Variants in SLC25A26 observed in about 807,000 individuals in gnomAD.
The protein encoded by SLC25A26 is solute carrier family 25 member 26.
In SLC25A26, 36 loss-of-function variants were observed where a neutral mutation model predicts 37.8. The ratio of observed to expected loss-of-function variants is 0.95; its 90% CI spans 0.73 to 1.26. The LOEUF (loss-of-function observed/expected upper bound fraction) is 1.26. Among genes scored for constraint, SLC25A26 ranks in the 50% most tolerant of loss-of-function variants. The probability of loss-of-function intolerance (pLI) is 0.00; values close to 1 mark genes in which losing one functional copy is unlikely to be tolerated. For synonymous variants in SLC25A26, 129 were observed against 122.5 expected, an observed-to-expected ratio of 1.05 and a Z score of -0.35; for missense variants, 390 against 331.1, an observed-to-expected ratio of 1.18 and a Z score of -1.38.
chr3:66,138,020 G>T (rs146748007), intron 1 of SLC25A26, among the ~76,000 whole-genome samples: 2,042 of 151,918 alleles, frequency 0.013, 49 homozygotes, highest in African/African-American at 0.047. Flanking sequence ...TTTTAGTAGA[G>T]ACGGGGTTTC....
intron 1 of SLC25A26, among the ~76,000 whole-genome samples, chr3:66,150,599 A>G (rs2070188433): frequency 1.6e-5 from 1 of 61,240 alleles, no homozygotes; most frequent in South Asian, 6.3e-4. Context: ...TATATATGTA[A>G]TGAGATATAT....
intron 5 of SLC25A26, among the ~76,000 whole-genome samples, chr3:66,277,980 A>G (rs910981098): frequency 1.2e-4 from 18 of 152,126 alleles, no homozygotes; most frequent in African/African-American, 4.3e-4. Flanking sequence ...GACTAAGGAG[A>G]CACAACAAGT....
chr3:66,140,549 T>C (rs2070018285), intron 1 of SLC25A26, among the ~76,000 whole-genome samples: 1 of 152,188 alleles, frequency 6.6e-6, no homozygotes, highest in African/African-American at 2.4e-5. Context: ...TCAACTAACA[T>C]ACAGGATGCA....
At chr3:66,251,203 G>C (rs1193972007) in intron 3 of SLC25A26, among the ~76,000 whole-genome samples, 1 of 152,044 alleles carries the variant, frequency 6.6e-6, no homozygotes, top group African/African-American at 2.4e-5. Flanking sequence ...GTAAGGAGTT[G>C]GGACTTTTTT....
At chr3:66,288,395 A>G (rs1270305561) in intron 5 of SLC25A26, among the ~76,000 whole-genome samples, 1 of 152,168 alleles carries the variant, frequency 6.6e-6, no homozygotes, top group African/African-American at 2.4e-5. Flanking sequence ...ACATAGGTAT[A>G]CATGTGCCAT....
intron 5 of SLC25A26, among the ~76,000 whole-genome samples, chr3:66,326,150 G>C (rs1318416871): frequency 2.0e-5 from 3 of 152,196 alleles, no homozygotes; most frequent in Non-Finnish European, 4.4e-5. Flanking sequence ...AGGAACCCAG[G>C]AGAAGGATAG....
chr3:66,335,980 G>A (rs974001782), intron 5 of SLC25A26, among the ~76,000 whole-genome samples: 2 of 152,110 alleles, frequency 1.3e-5, no homozygotes, highest in Admixed American at 6.6e-5. Flanking sequence ...TGTTCACAGG[G>A]CCTTAACCAC....
intron 9 of SLC25A26, among the ~76,000 whole-genome samples, chr3:66,374,128 T>C (rs1402604130): frequency 6.6e-6 from 1 of 152,236 alleles, no homozygotes; most frequent in African/African-American, 2.4e-5. Context: ...TTGCCTTCAT[T>C]AACTCTTTCT....
chr3:66,298,018 C>T (rs565818849), intron 5 of SLC25A26, among the ~76,000 whole-genome samples: 1 of 152,168 alleles, frequency 6.6e-6, no homozygotes, highest in African/African-American at 2.4e-5. Flanking sequence ...AAAGTACAGT[C>T]CCTCCACGAA....
Position 66,213,785 on chromosome 3 carries a change from A to G in SLC25A26, c.-353-6957A>G, listed in dbSNP as rs1001139555. Among the ~76,000 whole-genome samples, 78 of 152,008 alleles carry G rather than the reference A, an allele frequency of 5.1e-4. 2 individuals carry two copies. In the East Asian group the frequency reaches 0.015, roughly 29 times the overall value. On this transcript the variant is annotated intron_variant, in intron 1 of 10. Coordinates refer to the SLC25A26 transcript ENST00000676754. The stretch of plus-strand genomic sequence containing the variant: ...AAAATTCTCTGTGCTTCACCTGTTC[A>G]TTGCTCCTACCCACAATATCTGTAG...
At chr3:66,319,334 T>G (rs1358014744) in intron 5 of SLC25A26, among the ~76,000 whole-genome samples, 2 of 152,114 alleles carry the variant, frequency 1.3e-5, no homozygotes, top group Non-Finnish European at 2.9e-5. Context: ...CGTTGGGAAA[T>G]TCATATTATG....
At chr3:66,218,727 C>G (rs1428199657), upstream of SLC25A26, among the ~76,000 whole-genome samples, 2 of 152,196 alleles carry the variant, frequency 1.3e-5, no homozygotes, top group Non-Finnish European at 2.9e-5. Context: ...ACTCTAGGAA[C>G]AACCAGCTAC....
intron 3 of SLC25A26, among the ~76,000 whole-genome samples, chr3:66,249,386 C>T (rs2072990308): frequency 6.6e-6 from 1 of 152,208 alleles, no homozygotes; most frequent in Admixed American, 6.5e-5. Flanking sequence ...TCTTATTCAG[C>T]TTTCCCACTG....
intron 1 of SLC25A26, among the ~76,000 whole-genome samples, chr3:66,223,343 G>A (rs2071587878): frequency 6.6e-6 from 1 of 152,182 alleles, no homozygotes; most frequent in Non-Finnish European, 1.5e-5. Context: ...TTCAAGTGGT[G>A]AGGCCTAATG....
chr3:66,270,251 G>C (rs932555688), intron 5 of SLC25A26, among the ~76,000 whole-genome samples: 1 of 152,152 alleles, frequency 6.6e-6, no homozygotes, highest in Non-Finnish European at 1.5e-5. Context: ...AAAGCAGTAA[G>C]TGCTATAATT....
Position 66,297,466 on chromosome 3 carries a change from T to C in SLC25A26, c.453+34087T>C, listed in dbSNP as rs1009377259. ...ATGCATTCCATTTGTGGCTGTTCTT[T>C]ATCAAAATATTACTATAACAGTAGC... is the stretch of plus-strand genomic sequence containing the variant. On this transcript the variant is annotated intron_variant, in intron 5 of 9. Coordinates refer to ENST00000354883, the MANE Select transcript of SLC25A26 (RefSeq NM_001379210.1). Among the ~76,000 whole-genome samples the C allele has an allele frequency of 2.6e-5, 4 of 152,346 alleles. No homozygotes were observed. In the South Asian group the frequency reaches 6.2e-4, roughly 24 times the overall value.
At chr3:66,275,630 C>G (rs1386605302) in intron 5 of SLC25A26, among the ~76,000 whole-genome samples, 1 of 152,054 alleles carries the variant, frequency 6.6e-6, no homozygotes, top group Non-Finnish European at 1.5e-5. Flanking sequence ...ATACATTTAG[C>G]AAGAATTATG....
At chr3:66,234,925 A>T (rs1392536996) in intron 1 of SLC25A26, among the ~76,000 whole-genome samples, 1 of 152,208 alleles carries the variant, frequency 6.6e-6, no homozygotes, top group Non-Finnish European at 1.5e-5. Context: ...AAAAATAGCA[A>T]TTTAGTTAAA....
intron 1 of SLC25A26, among the ~76,000 whole-genome samples, chr3:66,168,385 T>C (rs2070454635): frequency 6.6e-6 from 1 of 152,086 alleles, no homozygotes. Context: ...TGCACTAAGA[T>C]GAATCCATTA....
Sources: gnomAD v4.1 joint callset for allele counts (sites outside exome capture counted in the v4.1 genomes callset) on GRCh38, gnomAD v4.1.1 for gene constraint, MANE v1.5 for transcripts, NCBI Gene and HGNC (gene_info 2026-07-23, HGNC 2026-07-21) for gene names.